Variants in GBE1 observed in about 807,000 individuals in gnomAD.
The protein encoded by GBE1 is 1,4-alpha-glucan-branching enzyme.
A neutral mutation model predicts 88.8 loss-of-function variants in GBE1; 70 were observed. The ratio of observed to expected loss-of-function variants is 0.79; its 90% CI spans 0.65 to 0.96. The LOEUF is 0.96. Ranked by LOEUF, GBE1 falls within the 40% of genes least tolerant of loss-of-function variation. The pLI, the probability that GBE1 is intolerant of heterozygous loss-of-function variation, is 0.00. For missense variants in GBE1, 872 were observed against 871.0 expected, an observed-to-expected ratio of 1.00 and a Z score of -0.01; for synonymous variants, 284 against 300.1, an observed-to-expected ratio of 0.95 and a Z score of 0.56.
rs139824884 is a variant in GBE1, at chr3:81,674,805, G to C, written c.314-3852C>G. Among the ~76,000 whole-genome samples the C allele has an allele frequency of 5.7e-3, 872 of 151,936 alleles. 6 individuals carry two copies. The highest frequency in any genetic ancestry group is 0.02 in the African/African-American group (832 of 41,512). Reference sequence around the variant, plus strand: ...TACACAACTTATGCTGAGTACATGAGAGAGAATTAATTATGTAATGCAAAG... The same window carrying C: ...TACACAACTTATGCTGAGTACATGACAGAGAATTAATTATGTAATGCAAAG... On this transcript the variant is annotated intron_variant, in intron 2 of 15. Transcript: ENST00000429644.
chr3:81,670,916 C>A lies in GBE1; in HGVS notation c.351G>T (p.Leu117=), dbSNP rs749666538. Residue 117 remains leucine, a synonymous_variant, in exon 3 of 16, where the codon CTG becomes CTT. Coordinates refer to ENST00000429644, the MANE Select transcript of GBE1 (RefSeq NM_000158.4). The part of the protein sequence containing the change: ...WNPFSYPYKK[L]DYGKWELYIP... ...TATACAGCTCCCATTTTCCATAATC[C>A]AGTTTTTTGTATGGGTACGAAAATG... The A allele has an allele frequency of 8.9e-6, 14 of 1,573,672 alleles. No homozygotes were observed. The highest frequency in any genetic ancestry group is 1.2e-5 in the Non-Finnish European group (14 of 1,162,868).
chr3:81,709,156 TA>T (rs1380294983), intron 1 of GBE1, among the ~76,000 whole-genome samples: 8 of 152,146 alleles, frequency 5.3e-5, no homozygotes, highest in Non-Finnish European at 8.8e-5. Context: ...TTCAAGAACA[TA>T]AAAAAATACA....
intron 1 of GBE1, among the ~76,000 whole-genome samples, chr3:81,708,703 T>A (rs1161093830): frequency 2.0e-5 from 3 of 152,196 alleles, no homozygotes; most frequent in Non-Finnish European, 4.4e-5. Context: ...TCTATGTATA[T>A]AATAATATTT....
At chr3:81,697,214 G>A (rs533075361) in intron 2 of GBE1, among the ~76,000 whole-genome samples, 17 of 152,128 alleles carry the variant, frequency 1.1e-4, no homozygotes, top group Admixed American at 3.3e-4. Flanking sequence ...ACTTACTTAC[G>A]TTTACCAGTT....
chr3:81,560,465 T>G (rs1413453394), intron 12 of GBE1, among the ~76,000 whole-genome samples: 1 of 151,904 alleles, frequency 6.6e-6, no homozygotes, highest in South Asian at 2.1e-4. Flanking sequence ...CAAAATAAAT[T>G]TATCAATTTG....
At chr3:81,718,351 T>C (rs1705971695) in intron 1 of GBE1, among the ~76,000 whole-genome samples, 1 of 152,192 alleles carries the variant, frequency 6.6e-6, no homozygotes, top group Admixed American at 6.5e-5. Context: ...TATTACAAAT[T>C]GTAAATTATA....
chr3:81,507,589 GAACT>G (rs5850526), intron 14 of GBE1, among the ~76,000 whole-genome samples: 44,385 of 151,246 alleles, frequency 0.29, 6,651 homozygotes, highest in East Asian at 0.42. Flanking sequence ...AAAAAACAGA[GAACT>G]TACTAGCGAA....
At chr3:81,517,336 T>C (rs1452830578) in intron 14 of GBE1, among the ~76,000 whole-genome samples, 2 of 149,666 alleles carry the variant, frequency 1.3e-5, no homozygotes, top group African/African-American at 2.5e-5. Flanking sequence ...GGCATGTACA[T>C]TTTTTTTTAG....
chr3:81,677,820 C>A (rs1705282815), intron 2 of GBE1, among the ~76,000 whole-genome samples: 1 of 152,152 alleles, frequency 6.6e-6, no homozygotes, highest in Non-Finnish European at 1.5e-5. Context: ...CTCCCTATCA[C>A]TATTACCTTG....
intron 1 of GBE1, among the ~76,000 whole-genome samples, chr3:81,753,705 T>C (rs1706563684): frequency 6.6e-6 from 1 of 152,142 alleles, no homozygotes. Context: ...CTGTTGACCA[T>C]CACTGTAGAG....
chr3:81,725,358 G>A (rs962354101), intron 1 of GBE1, among the ~76,000 whole-genome samples: 1 of 151,822 alleles, frequency 6.6e-6, no homozygotes, highest in African/African-American at 2.4e-5. Flanking sequence ...CCTACCCCGG[G>A]TCAGGATTAT....
At chr3:81,661,500 A>T (rs895728536) in intron 3 of GBE1, among the ~76,000 whole-genome samples, 3 of 152,204 alleles carry the variant, frequency 2.0e-5, no homozygotes, top group Non-Finnish European at 2.9e-5. Context: ...TGATTTGTAT[A>T]CTCCGACGTG....
rs551248104 is a variant in GBE1, at chr3:81,719,481, T to G, written c.144-13868A>C. Among the ~76,000 whole-genome samples, 21 of 152,184 alleles carry G rather than the reference T, an allele frequency of 1.4e-4. No individual in the cohort carries two copies. In the South Asian group the frequency reaches 3.7e-3, roughly 27 times the overall value. ...ATTCACCTGCCTCAGCCTCCCAAAG[T>G]GCTGGGATTACAGGCATGAGCCACC... On this transcript the variant is annotated intron_variant, in intron 1 of 15. Transcript: ENST00000429644.
At chr3:81,511,033 TTTTA>T (rs1190795437) in intron 14 of GBE1, among the ~76,000 whole-genome samples, 2 of 151,940 alleles carry the variant, frequency 1.3e-5, no homozygotes, top group Non-Finnish European at 2.9e-5. Context: ...TATAGATAAT[TTTTA>T]TTTATCAGTT....
chr3:81,684,490 G>A (rs575377548), intron 2 of GBE1, among the ~76,000 whole-genome samples: 5 of 152,058 alleles, frequency 3.3e-5, no homozygotes, highest in African/African-American at 4.8e-5. Context: ...TGTCTCACAT[G>A]GTGGAAACAG....
intron 14 of GBE1, among the ~76,000 whole-genome samples, chr3:81,510,730 GAAATAAA>G (rs1338479380): frequency 1.3e-5 from 2 of 151,770 alleles, no homozygotes; most frequent in Non-Finnish European, 2.9e-5. Flanking sequence ...AAAACCTATG[GAAATAAA>G]AAATAAAAAA....
intron 12 of GBE1, among the ~76,000 whole-genome samples, chr3:81,551,204 G>A (rs1467972788): frequency 3.3e-5 from 5 of 152,236 alleles, no homozygotes; most frequent in African/African-American, 1.2e-4. Flanking sequence ...GTGTATCTGT[G>A]CATCAGATAA....
chr3:81,547,290 G>A (rs1703218215), intron 12 of GBE1, among the ~76,000 whole-genome samples: 1 of 151,354 alleles, frequency 6.6e-6, no homozygotes, highest in South Asian at 2.1e-4. Context: ...AGATTTAGGG[G>A]GTTAGTGGAC....
At chr3:81,668,997 A>G (rs766113191) in intron 3 of GBE1, among the ~76,000 whole-genome samples, 6 of 152,238 alleles carry the variant, frequency 3.9e-5, no homozygotes, top group Non-Finnish European at 7.3e-5. Context: ...TTACAGTACC[A>G]GGTACACAGA....
Sources: gnomAD v4.1 joint callset for allele counts (sites outside exome capture counted in the v4.1 genomes callset) on GRCh38, gnomAD v4.1.1 for gene constraint, MANE v1.5 for transcripts, NCBI Gene and HGNC (gene_info 2026-07-23, HGNC 2026-07-21) for gene names.